The following NLGN4X variants were observed in gnomAD, a reference collection of about 807,000 sequenced individuals.
NLGN4X encodes neuroligin-4, X-linked.
NLGN4X carries 3 observed loss-of-function variants against 40.3 expected under a neutral mutation model. That is an observed-to-expected ratio of 0.07 (90% confidence interval 0.03 to 0.19). NLGN4X has a LOEUF of 0.19. Among genes scored for constraint, NLGN4X ranks in the 10% least tolerant of loss-of-function variants. The pLI is 1.00. For missense variants in NLGN4X, 382 were observed against 708.3 expected, an observed-to-expected ratio of 0.54 and a Z score of 5.23; for synonymous variants, 270 against 306.8, an observed-to-expected ratio of 0.88 and a Z score of 1.25.
At chrX:6,199,908 G>A (rs1923441911) in intron 1 of NLGN4X, among the ~76,000 whole-genome samples, 2 of 111,707 alleles carry the variant, frequency 1.8e-5, no homozygotes, top group Middle Eastern at 4.7e-3. Flanking sequence ...AAGGAAGATC[G>A]ATATTCCCTT....
At chrX:6,115,732 A>C (rs752934019) in intron 2 of NLGN4X, among the ~76,000 whole-genome samples, 6 of 111,571 alleles carry the variant, frequency 5.4e-5, no homozygotes, top group Admixed American at 1.9e-4. Context: ...AGAACTGGAG[A>C]GGTAAGGAGG....
chrX:6,077,326 T>TGTGA (rs1447989423), intron 2 of NLGN4X, among the ~76,000 whole-genome samples: 6 of 88,220 alleles, frequency 6.8e-5, no homozygotes, highest in Non-Finnish European at 1.5e-4. Context: ...TGTGTGTGTG[T>TGTGA]GACAGGGTCT....
intron 3 of NLGN4X, among the ~76,000 whole-genome samples, chrX:5,936,256 T>G (rs549212558): frequency 2.7e-5 from 3 of 111,653 alleles, no homozygotes; most frequent in African/African-American, 9.8e-5. Flanking sequence ...ACGGGAGTGA[T>G]TACTAACCTT....
intron 2 of NLGN4X, among the ~76,000 whole-genome samples, chrX:6,113,441 G>A (rs1382016161): frequency 5.4e-5 from 6 of 111,157 alleles, no homozygotes; most frequent in African/African-American, 1.6e-4. Flanking sequence ...CTCAGATCAT[G>A]TAGTAAAAAA....
intron 1 of NLGN4X, among the ~76,000 whole-genome samples, chrX:6,175,708 A>T (rs1371870309): frequency 2.8e-5 from 3 of 105,829 alleles, no homozygotes; most frequent in African/African-American, 1.0e-4. Context: ...ACAGTTTTCC[A>T]AGGGTGTCTC....
At chrX:6,037,757 G>T (rs1015414931) in intron 2 of NLGN4X, among the ~76,000 whole-genome samples, 2 of 108,263 alleles carry the variant, frequency 1.8e-5, no homozygotes, top group African/African-American at 6.8e-5. Context: ...ACGGCGGGGG[G>T]TGGGGGAGGG....
chrX:6,212,144 G>A (rs1296176934), intron 1 of NLGN4X, among the ~76,000 whole-genome samples: 4 of 109,692 alleles, frequency 3.6e-5, no homozygotes, highest in Non-Finnish European at 7.6e-5. Context: ...TACTTGGGAG[G>A]CTGAGACAGG....
intron 3 of NLGN4X, among the ~76,000 whole-genome samples, chrX:5,994,025 T>C (rs1353270666): frequency 1.8e-5 from 2 of 111,896 alleles, no homozygotes; most frequent in Non-Finnish European, 3.8e-5. Context: ...ACGCAAGAAG[T>C]TGCCTTTTCC....
intron 1 of NLGN4X, among the ~76,000 whole-genome samples, chrX:6,195,088 C>A (rs1922922435): frequency 8.9e-6 from 1 of 111,935 alleles, no homozygotes; most frequent in Non-Finnish European, 1.9e-5. Context: ...CTGCACCTAT[C>A]AACCCGTCAC....
intron 2 of NLGN4X, 141 bp from the exon 3 acceptor site, chrX:6,029,573 T>C (rs1453570153): frequency 1.7e-6 from 1 of 572,550 alleles, no homozygotes; most frequent in Admixed American, 3.4e-5. Context: ...GATATGACCC[T>C]TGATAAGAGT....
At chrX:5,985,554 G>A (rs2035509466) in intron 3 of NLGN4X, among the ~76,000 whole-genome samples, 1 of 111,852 alleles carries the variant, frequency 8.9e-6, no homozygotes, top group African/African-American at 3.3e-5. Flanking sequence ...CTCCCAAAGT[G>A]CTAGGATTAC....
intron 1 of NLGN4X, among the ~76,000 whole-genome samples, chrX:6,189,732 G>T (rs1312657375): frequency 9.0e-6 from 1 of 110,953 alleles, no homozygotes; most frequent in Non-Finnish European, 1.9e-5. Context: ...ACCTGAATGT[G>T]CTTTGCACTG....
chrX:5,991,917 C>T (rs377051285), intron 3 of NLGN4X, among the ~76,000 whole-genome samples: 4 of 111,934 alleles, frequency 3.6e-5, no homozygotes, highest in South Asian at 3.7e-4. Context: ...TACATTTCTA[C>T]GAGTAGGATT....
chrX:6,042,949 G>A (rs1243753249), intron 2 of NLGN4X, among the ~76,000 whole-genome samples: 3 of 104,830 alleles, frequency 2.9e-5, no homozygotes, highest in African/African-American at 1.0e-4. Context: ...GGTGTCACAT[G>A]CCTGTAATCA....
intron 2 of NLGN4X, among the ~76,000 whole-genome samples, chrX:6,070,866 G>A (rs6639593): frequency 0.01 from 1,166 of 111,486 alleles, 12 homozygotes; most frequent in African/African-American, 0.036. Flanking sequence ...ATCAGATCTC[G>A]TGAGAACTCA....
At chrX:6,220,624 C>A (rs767818008) in intron 1 of NLGN4X, among the ~76,000 whole-genome samples, 2 of 109,376 alleles carry the variant, frequency 1.8e-5, no homozygotes, top group East Asian at 5.7e-4. Flanking sequence ...AAAATGGACA[C>A]CTGTCCCTTA....
chrX:6,129,701 T>TAC (rs1209617795), intron 2 of NLGN4X, among the ~76,000 whole-genome samples: 1 of 110,801 alleles, frequency 9.0e-6, no homozygotes, highest in African/African-American at 3.3e-5. Flanking sequence ...ATGCTTTGCT[T>TAC]ACTTCATGGG....
chrX:5,984,595 A>G (rs1003213009), intron 3 of NLGN4X, among the ~76,000 whole-genome samples: 5 of 111,830 alleles, frequency 4.5e-5, no homozygotes, highest in African/African-American at 6.5e-5. Context: ...AAACTCAAAG[A>G]AAAACTATCT....
intron 2 of NLGN4X, among the ~76,000 whole-genome samples, chrX:6,121,622 C>A (rs148142795): frequency 8.9e-6 from 1 of 112,335 alleles, no homozygotes; most frequent in Non-Finnish European, 1.9e-5. Flanking sequence ...TTTATTCTTA[C>A]GGGAAGAGTG....
Sources: gnomAD v4.1 joint callset for allele counts (sites outside exome capture counted in the v4.1 genomes callset) on GRCh38, gnomAD v4.1.1 for gene constraint, MANE v1.5 for transcripts, NCBI Gene and HGNC (gene_info 2026-07-23, HGNC 2026-07-21) for gene names.